Variants in DPYD observed in about 807,000 individuals in gnomAD.
DPYD encodes the protein dihydropyrimidine dehydrogenase [NADP(+)].
DPYD carries 109 observed loss-of-function variants against 116.2 expected under a neutral mutation model. The ratio of observed to expected loss-of-function variants is 0.94; its 90% CI spans 0.80 to 1.10. The LOEUF is 1.10. Ranked by LOEUF, DPYD falls within the 50% of genes least tolerant of loss-of-function variation. DPYD has a pLI of 0.00. For synonymous variants in DPYD, 440 were observed against 432.0 expected (o/e 1.02, Z -0.23); for missense variants, 1,302 against 1,254.5 (o/e 1.04, Z -0.57).
chr1:97,835,857 A>G (rs1479663310), intron 2 of DPYD, among the ~76,000 whole-genome samples: 1 of 152,118 alleles, frequency 6.6e-6, no homozygotes, highest in East Asian at 1.9e-4. Context: ...TCTTGACAAG[A>G]GGGAAGGCTC....
intron 2 of DPYD, among the ~76,000 whole-genome samples, chr1:97,858,393 AT>A (rs1240422929): frequency 6.6e-6 from 1 of 152,202 alleles, no homozygotes; most frequent in Non-Finnish European, 1.5e-5. Flanking sequence ...TGTTATGGCT[AT>A]TTAAGTAATT....
At chr1:97,302,170 G>A (rs891948896) in intron 18 of DPYD, among the ~76,000 whole-genome samples, 7 of 151,858 alleles carry the variant, frequency 4.6e-5, no homozygotes, top group East Asian at 1.9e-4. Flanking sequence ...AGGAAAGGTC[G>A]TAACAACTTA....
At chr1:97,147,334 G>A (rs956449220) in intron 20 of DPYD, among the ~76,000 whole-genome samples, 5 of 150,808 alleles carry the variant, frequency 3.3e-5, no homozygotes, top group African/African-American at 1.2e-4. Flanking sequence ...GTGACAGAGT[G>A]AGACTCTGTC....
intron 14 of DPYD, among the ~76,000 whole-genome samples, chr1:97,417,924 C>G (rs1044968626): frequency 1.3e-5 from 2 of 152,176 alleles, no homozygotes; most frequent in African/African-American, 4.8e-5. Flanking sequence ...TAAACATACT[C>G]CCTTCAATCC....
At chr1:97,141,202 C>G (rs1220053946) in intron 20 of DPYD, among the ~76,000 whole-genome samples, 1 of 152,072 alleles carries the variant, frequency 6.6e-6, no homozygotes, top group Non-Finnish European at 1.5e-5. Flanking sequence ...TAAGTGTATG[C>G]CAGACCGAAC....
chr1:97,556,549 C>A (rs1157888024), intron 11 of DPYD, among the ~76,000 whole-genome samples: 1 of 133,362 alleles, frequency 7.5e-6, no homozygotes, highest in Admixed American at 8.2e-5. Context: ...TATTCCCCTT[C>A]CTGTGTCCAT....
At chr1:97,753,319 TA>T (rs1226349928) in intron 3 of DPYD, among the ~76,000 whole-genome samples, 5 of 152,172 alleles carry the variant, frequency 3.3e-5, no homozygotes, top group African/African-American at 1.2e-4. Context: ...ATCAAGAAGT[TA>T]ATAAAGATCT....
Position 97,193,134 on chromosome 1 carries a change from T to G in DPYD, c.2557A>C (p.Ser853Arg), listed in dbSNP as rs1658500007. The G allele has an allele frequency of 1.8e-5, 29 of 1,614,072 alleles. No individual in the cohort carries two copies. The highest frequency in any genetic ancestry group is 2.3e-5 in the Non-Finnish European group (27 of 1,179,948). Residue 853 changes from serine (S) to arginine (R), a missense_variant, in exon 20 of 23, where the codon AGT (serine) becomes CGT (arginine). Ser to Arg is a moderately radical substitution (Grantham distance 110). Transcript: ENST00000370192. Reference sequence around the variant, plus strand: ...TTCTGGTGACTCACAGTAGCTGGACTCTGTCCATCCCAGTCTTGTAGTTCT... The same window carrying G: ...TTCTGGTGACTCACAGTAGCTGGACGCTGTCCATCCCAGTCTTGTAGTTCT... ...IEELQDWDGQSPATVSHQKGK... is the reference protein window; with the variant it reads ...IEELQDWDGQRPATVSHQKGK...
At chr1:97,303,204 T>G (rs749100301) in intron 18 of DPYD, among the ~76,000 whole-genome samples, 4 of 151,988 alleles carry the variant, frequency 2.6e-5, no homozygotes, top group African/African-American at 7.2e-5. Context: ...TCACTGGCAA[T>G]GAAAAGTATG....
intron 2 of DPYD, among the ~76,000 whole-genome samples, chr1:97,840,311 C>T (rs1669977519): frequency 6.6e-6 from 1 of 151,878 alleles, no homozygotes; most frequent in Non-Finnish European, 1.5e-5. Flanking sequence ...AAGCCCAGTG[C>T]TGTAATATTT....
At chr1:97,133,521 T>C (rs974699927) in intron 20 of DPYD, among the ~76,000 whole-genome samples, 21 of 152,166 alleles carry the variant, frequency 1.4e-4, no homozygotes, top group Admixed American at 1.4e-3. Context: ...TTTGTTTTTA[T>C]ATCTAACTAT....
chr1:97,160,149 A>G (rs913652370), intron 20 of DPYD, among the ~76,000 whole-genome samples: 6 of 152,114 alleles, frequency 3.9e-5, no homozygotes, highest in African/African-American at 1.4e-4. Context: ...CAATTTCTAT[A>G]TAGTGTTGTG....
At chr1:97,088,825 T>C (rs1437811554) in intron 21 of DPYD, among the ~76,000 whole-genome samples, 1 of 152,160 alleles carries the variant, frequency 6.6e-6, no homozygotes, top group Non-Finnish European at 1.5e-5. Context: ...CTCTTCAGTT[T>C]TTAAAGTTCA....
At chr1:97,679,220 T>C (rs1660310348) in intron 7 of DPYD, 38 bp from the exon 8 acceptor site, 1 of 1,123,676 alleles carries the variant, frequency 8.9e-7, no homozygotes, top group Non-Finnish European at 1.3e-6. Flanking sequence ...AAATTTGGCA[T>C]ATGATTAATT....
chr1:97,763,386 T>C (rs1665681988), intron 3 of DPYD, among the ~76,000 whole-genome samples: 1 of 152,008 alleles, frequency 6.6e-6, no homozygotes, highest in Admixed American at 6.6e-5. Flanking sequence ...AATTGCACAA[T>C]ACAAACTTCT....
At chr1:97,573,478 T>C (rs1200121059) in intron 11 of DPYD, among the ~76,000 whole-genome samples, 3 of 152,124 alleles carry the variant, frequency 2.0e-5, no homozygotes, top group Non-Finnish European at 4.4e-5. Flanking sequence ...GCCATTCTTC[T>C]ATAAGAAACA....
intron 2 of DPYD, among the ~76,000 whole-genome samples, chr1:97,841,870 A>G (rs1050010680): frequency 1.2e-4 from 18 of 152,010 alleles, no homozygotes; most frequent in Admixed American, 2.6e-4. Flanking sequence ...TCTAGGAGAC[A>G]AGAAATTTTC....
chr1:97,312,668 C>A (rs1667587145), intron 16 of DPYD, among the ~76,000 whole-genome samples: 1 of 151,732 alleles, frequency 6.6e-6, no homozygotes, highest in South Asian at 2.1e-4. Context: ...ATAGCCTAAT[C>A]CTGTTTTTAA....
chr1:97,308,109 T>C lies in DPYD; in HGVS notation c.2059-1812A>G, dbSNP rs72726687. Among the ~76,000 whole-genome samples, 4 of 151,950 alleles carry C rather than the reference T, an allele frequency of 2.6e-5. No homozygotes were observed. In the East Asian group the frequency reaches 5.8e-4, roughly 22 times the overall value. On this transcript the variant is annotated intron_variant, in intron 16 of 22. Transcript: ENST00000370192. ...TGGCTTTCAATACTATTGACCCCCA[T>C]GCCATAATAATTTACTCTGAACATC...
Sources: gnomAD v4.1 joint callset for allele counts (sites outside exome capture counted in the v4.1 genomes callset) on GRCh38, gnomAD v4.1.1 for gene constraint, MANE v1.5 for transcripts, NCBI Gene and HGNC (gene_info 2026-07-23, HGNC 2026-07-21) for gene names.